Variants in ST3GAL6 observed in about 807,000 individuals in gnomAD.
ST3GAL6 encodes the protein type 2 lactosamine alpha-2,3-sialyltransferase.
In ST3GAL6, 31 loss-of-function variants were observed where a neutral mutation model predicts 40.5. That is an observed-to-expected ratio of 0.77 (90% CI 0.58 to 1.03). ST3GAL6 has a LOEUF of 1.03. Among genes scored for constraint, ST3GAL6 ranks in the 50% least tolerant of loss-of-function variants. ST3GAL6 has a pLI of 0.00. For missense variants in ST3GAL6, 357 were observed against 393.2 expected (o/e 0.91, Z 0.78); for synonymous variants, 129 against 136.9 (o/e 0.94, Z 0.40).
In ST3GAL6 at chr3:98,782,547, C is replaced by A. The variant is rs1045752038; in HGVS notation, c.336-2398C>A. On this transcript the variant is annotated intron_variant, in intron 5 of 9. Transcript: ENST00000483910. ...CCTGCACGTAGGAAGTGCCTACAAT[C>A]CAAGTACCATGCTCTTTACTGCCTC... 2.8e-5 allele frequency: 16 copies of A among 564,002 alleles called. No homozygotes were observed. The Admixed American group carries it at 4.9e-4, about 17-fold the overall frequency. 34.9% of individuals were successfully genotyped at this position (564,002 alleles called of 1,614,324 possible).
At chr3:98,733,818 C>G (rs990695848) in intron 1 of ST3GAL6, among the ~76,000 whole-genome samples, 1 of 151,708 alleles carries the variant, frequency 6.6e-6, no homozygotes, top group Non-Finnish European at 1.5e-5. Context: ...TTGGCGGGGA[C>G]AGTGGGGAGG....
rs1292606099 is a variant in ST3GAL6, at chr3:98,781,712, C to A, written c.336-3233C>A. Among the ~76,000 whole-genome samples, 7 of 152,154 alleles carry A rather than the reference C, an allele frequency of 4.6e-5. No homozygotes were observed. In the East Asian group the frequency reaches 1.2e-3, roughly 25 times the overall value. Reference sequence around the variant, plus strand: ...TGAGGCACCTGGGCTCAGGGCGAGGCAGCCCCTTTTCTTGACAGAGGATTG... The same window carrying A: ...TGAGGCACCTGGGCTCAGGGCGAGGAAGCCCCTTTTCTTGACAGAGGATTG... On this transcript the variant is annotated intron_variant, in intron 5 of 9. Transcript: ENST00000483910.
upstream of ST3GAL6, among the ~76,000 whole-genome samples, chr3:98,758,434 C>A (rs1484197919): frequency 1.3e-5 from 2 of 152,094 alleles, no homozygotes; most frequent in African/African-American, 4.8e-5. Context: ...ATGTTGTTTA[C>A]AAATCTGAGT....
chr3:98,742,589 A>G (rs1936184252), intron 1 of ST3GAL6, among the ~76,000 whole-genome samples: 1 of 152,198 alleles, frequency 6.6e-6, no homozygotes, highest in Non-Finnish European at 1.5e-5. Context: ...ATGCTTACCA[A>G]ACAACTTTTT....
At chr3:98,780,006 G>A (rs1939934304) in intron 5 of ST3GAL6, among the ~76,000 whole-genome samples, 1 of 152,192 alleles carries the variant, frequency 6.6e-6, no homozygotes, top group African/African-American at 2.4e-5. Context: ...TGAAAGTTAT[G>A]TTAATTAAAT....
At chr3:98,733,295 A>C (rs1022233994) in intron 1 of ST3GAL6, 33 of 985,088 alleles carry the variant, frequency 3.3e-5, no homozygotes, top group Non-Finnish European at 3.9e-5. Flanking sequence ...GAAGGGCGGG[A>C]GGGACGCGCA....
At chr3:98,788,290 C>A (rs73136057) in intron 7 of ST3GAL6, 36 bp from the exon 8 acceptor site, 239,685 of 1,577,522 alleles carry the variant, frequency 0.15, 18,570 homozygotes, top group Middle Eastern at 0.19. Flanking sequence ...AAACAGACAG[C>A]CACACTGTTC....
At chr3:98,746,404 A>AT (rs1392994622) in intron 1 of ST3GAL6, among the ~76,000 whole-genome samples, 166 of 148,104 alleles carry the variant, frequency 1.1e-3, no homozygotes, top group East Asian at 3.7e-3. Flanking sequence ...GGGAGCCCAG[A>AT]TTTTTTTTTT....
intron 1 of ST3GAL6, among the ~76,000 whole-genome samples, chr3:98,754,056 G>C (rs1937232119): frequency 6.6e-6 from 1 of 152,130 alleles, no homozygotes; most frequent in Non-Finnish European, 1.5e-5. Context: ...CAACATTCAA[G>C]TCTTATTATT....
chr3:98,779,379 CT>C (rs1939855374), intron 5 of ST3GAL6, among the ~76,000 whole-genome samples: 1 of 152,162 alleles, frequency 6.6e-6, no homozygotes. Flanking sequence ...AAGCAGGGAT[CT>C]GCTAGCAAGG....
intron 2 of ST3GAL6, among the ~76,000 whole-genome samples, chr3:98,769,672 A>G (rs999946259): frequency 2.0e-5 from 3 of 152,234 alleles, no homozygotes; most frequent in African/African-American, 4.8e-5. Context: ...ACACATTACT[A>G]TAGTCACAGC....
intron 1 of ST3GAL6, among the ~76,000 whole-genome samples, chr3:98,753,598 T>A (rs1165296470): frequency 6.6e-6 from 1 of 152,254 alleles, no homozygotes; most frequent in East Asian, 1.9e-4. Flanking sequence ...TGTTAGGGGC[T>A]AATGCAGCTG....
At chr3:98,775,588 A>C (rs1187873395) in intron 5 of ST3GAL6, among the ~76,000 whole-genome samples, 1 of 152,126 alleles carries the variant, frequency 6.6e-6, no homozygotes, top group Non-Finnish European at 1.5e-5. Context: ...AGGCTATATG[A>C]CTAGAAGTTT....
chr3:98,732,968 G>C, intron 1 of ST3GAL6: 1 of 1,501,878 alleles, frequency 6.7e-7, no homozygotes. Flanking sequence ...GCCTCGGCGG[G>C]TCACTCTTGC....
At chr3:98,734,827 G>C (rs1935390286) in intron 1 of ST3GAL6, among the ~76,000 whole-genome samples, 1 of 152,170 alleles carries the variant, frequency 6.6e-6, no homozygotes. Context: ...GCAGACGACT[G>C]GATTTCACAG....
intron 1 of ST3GAL6, among the ~76,000 whole-genome samples, chr3:98,766,934 A>AATATGTAGCCATATTATTT (rs1938416960): frequency 6.6e-6 from 1 of 152,194 alleles, no homozygotes; most frequent in African/African-American, 2.4e-5. Context: ...ATGTAGAGTT[A>AATATGTAGCCATATTATTT]GGCTGTGAAT....
intron 1 of ST3GAL6, among the ~76,000 whole-genome samples, chr3:98,745,314 G>A (rs183391264): frequency 1.9e-4 from 29 of 152,184 alleles, no homozygotes; most frequent in African/African-American, 6.5e-4. Flanking sequence ...GATTACAGGC[G>A]TGAGCCACTG....
At chr3:98,748,609 C>A (rs902255758) in intron 1 of ST3GAL6, among the ~76,000 whole-genome samples, 1 of 152,076 alleles carries the variant, frequency 6.6e-6, no homozygotes, top group Non-Finnish European at 1.5e-5. Flanking sequence ...GAATTACAGG[C>A]GCCTGCCACC....
intron 1 of ST3GAL6, among the ~76,000 whole-genome samples, chr3:98,766,072 G>C (rs1305150573): frequency 1.3e-5 from 2 of 152,154 alleles, no homozygotes; most frequent in Admixed American, 1.3e-4. Flanking sequence ...TTTTCAGGTG[G>C]CGTGTGCAGT....
Sources: gnomAD v4.1 joint callset for allele counts (sites outside exome capture counted in the v4.1 genomes callset) on GRCh38, gnomAD v4.1.1 for gene constraint, MANE v1.5 for transcripts, NCBI Gene and HGNC (gene_info 2026-07-23, HGNC 2026-07-21) for gene names.